RICTOR: variants seen among roughly 807,000 people sequenced by gnomAD.
RICTOR encodes the protein rapamycin-insensitive companion of mTOR.
Under a neutral mutation model 214.9 loss-of-function variants are expected in RICTOR, and 49 were observed. The observed-to-expected ratio is 0.23, with a 90% confidence interval of 0.18 to 0.29. The LOEUF (loss-of-function observed/expected upper bound fraction) is 0.29, where lower values mean the gene tolerates loss of function less well. Among genes scored for constraint, RICTOR ranks in the 10% least tolerant of loss-of-function variants. RICTOR has a pLI of 1.00. For synonymous variants in RICTOR, 717 were observed against 711.3 expected, an observed-to-expected ratio of 1.01 and a Z score of -0.13; for missense variants, 1,625 against 2,047.0, an observed-to-expected ratio of 0.79 and a Z score of 3.98.
chr5:39,029,376 C>A (rs1337296502), intron 2 of RICTOR, among the ~76,000 whole-genome samples: 3 of 151,762 alleles, frequency 2.0e-5, no homozygotes, highest in Non-Finnish European at 4.4e-5. Flanking sequence ...TTATTTATTT[C>A]TTGGCTCAAT....
At position 39,028,491 on chromosome 5, in the gene RICTOR, TAC is replaced by T. The variant is rs1360577252; in HGVS notation, c.98-7357_98-7356del. Among the ~76,000 whole-genome samples, 78 of 152,282 alleles carry T rather than the reference TAC, an allele frequency of 5.1e-4. No individual in the cohort carries two copies. The Middle Eastern group carries it at 0.01, about 20-fold the overall frequency. ...GCCACCGCGCCCGGCCTGGAATTCT[TAC>T]ACACTGTTGGAGGAGCATGAAATAT... On this transcript the variant is annotated intron_variant, in intron 2 of 37. Transcript: ENST00000357387.
chr5:38,962,138 T>C (rs1204449467), intron 19 of RICTOR, among the ~76,000 whole-genome samples, 177 bp downstream of exon 19: 1 of 138,934 alleles, frequency 7.2e-6, no homozygotes, highest in Admixed American at 7.6e-5. Flanking sequence ...AAGAATTTGC[T>C]AATATGTTTT....
intron 2 of RICTOR, among the ~76,000 whole-genome samples, chr5:39,065,760 A>C (rs918269264): frequency 6.6e-6 from 1 of 152,260 alleles, no homozygotes; most frequent in Non-Finnish European, 1.5e-5. Flanking sequence ...ATTAAATCTT[A>C]AAGCTCCAAA....
chr5:38,982,541 A>G (rs1751803536), intron 7 of RICTOR, among the ~76,000 whole-genome samples: 1 of 152,180 alleles, frequency 6.6e-6, no homozygotes, highest in South Asian at 2.1e-4. Flanking sequence ...TTCATGAATT[A>G]GTTACACTTC....
chr5:38,962,600 AAAGT>A lies in RICTOR; in HGVS notation c.1567-18_1567-15del, dbSNP rs748400698. On this transcript the variant is annotated splice_polypyrimidine_tract_variant and intron_variant, in intron 17 of 37. Transcript: ENST00000357387. ...TTCCTCTGTATCCTAAAATCATCAG[AAAGT>A]AATAAGAAAAATTAAGGCAAACTGT... 3.6e-6 allele frequency: 5 copies of A among 1,392,984 alleles called. No individual in the cohort carries two copies. Among genetic ancestry groups the A allele is most frequent in the Non-Finnish European group, 4.0e-6 (4 of 1,008,758 alleles). 86.3% of individuals were successfully genotyped at this position (1,392,984 alleles called of 1,614,324 possible).
chr5:38,985,014 G>A (rs1011401446), intron 7 of RICTOR, among the ~76,000 whole-genome samples: 13 of 152,128 alleles, frequency 8.5e-5, no homozygotes, highest in African/African-American at 2.7e-4. Flanking sequence ...TCTCCATGTT[G>A]GTTGGCCAGG....
In RICTOR at chr5:38,947,403, T is replaced by C; in HGVS notation, c.4175A>G (p.Glu1392Gly). ...TTGATTAATAGGACTCAATAAATCTTCTTTATCTAATGATGCATAACTTAA... is the reference window on the plus strand; with the variant it reads ...TTGATTAATAGGACTCAATAAATCTCCTTTATCTAATGATGCATAACTTAA... ...KALSYASLDK[E>G]DLLSPINQNT... The change falls in exon 32 of 38, where the codon GAA becomes GGA. Residue 1392 changes from glutamate to glycine, a missense_variant. By Grantham distance (98) the Glu-to-Gly change is moderately conservative. Around this residue, in one of 5 missense-constraint regions of RICTOR, gnomAD observed 1,214 missense variants for 1,470.5 expected, o/e 0.83. Transcript: ENST00000357387. 6.2e-7 allele frequency: 1 copy of C among 1,611,878 alleles called. No homozygotes were observed. Among genetic ancestry groups the C allele is most frequent in the Non-Finnish European group, 8.5e-7 (1 of 1,178,160 alleles).
chr5:38,978,236 C>T (rs1751402453), intron 9 of RICTOR, among the ~76,000 whole-genome samples: 1 of 152,128 alleles, frequency 6.6e-6, no homozygotes. Context: ...ATTCTGCTGA[C>T]TCAGTAAGTT....
At chr5:39,008,066 A>AG (rs1754211643) in intron 3 of RICTOR, among the ~76,000 whole-genome samples, 1 of 151,848 alleles carries the variant, frequency 6.6e-6, no homozygotes, top group South Asian at 2.1e-4. Flanking sequence ...ATGTTTATAA[A>AG]GGAGGAACTT....
intron 8 of RICTOR, among the ~76,000 whole-genome samples, chr5:38,980,134 C>T (rs994642132): frequency 6.6e-6 from 1 of 151,936 alleles, no homozygotes; most frequent in Admixed American, 6.6e-5. Flanking sequence ...TAAAATTCTC[C>T]ATTATTTCAT....
chr5:38,963,152 G>A, intron 16 of RICTOR, 111 bp from the exon 17 acceptor site: 1 of 666,314 alleles, frequency 1.5e-6, no homozygotes, highest in South Asian at 3.3e-5. Flanking sequence ...AATTATTATT[G>A]ATAAAGTAAA....
intron 5 of RICTOR, among the ~76,000 whole-genome samples, chr5:38,999,282 T>C (rs891040435): frequency 2.7e-5 from 4 of 149,012 alleles, no homozygotes; most frequent in Non-Finnish European, 4.5e-5. Context: ...GGACAGAATA[T>C]ACAACAGAGA....
chr5:39,005,925 T>C (rs1754017994), intron 3 of RICTOR, among the ~76,000 whole-genome samples: 1 of 152,206 alleles, frequency 6.6e-6, no homozygotes, highest in Non-Finnish European at 1.5e-5. Flanking sequence ...ATTTTTGTCC[T>C]GCAAACTCCA....
intron 2 of RICTOR, among the ~76,000 whole-genome samples, chr5:39,040,808 T>C (rs1014585577): frequency 3.9e-5 from 6 of 152,182 alleles, no homozygotes; most frequent in Non-Finnish European, 5.9e-5. Context: ...GTTATAAATT[T>C]CAATGCTCCT....
chr5:38,945,294 G>A, intron 34 of RICTOR, 197 bp downstream of exon 34: 1 of 610,178 alleles, frequency 1.6e-6, no homozygotes, highest in Non-Finnish European at 2.9e-6. Flanking sequence ...CCAGGGATCT[G>A]TCAGACTCAG....
chr5:39,071,085 C>T lies in RICTOR; in HGVS notation c.97+3026G>A, dbSNP rs77517534. 2.0e-3 allele frequency among the ~76,000 whole-genome samples: 299 copies of T among 152,226 alleles called. 1 individual carries two copies. Among genetic ancestry groups the T allele is most frequent in the Middle Eastern group, 0.01 (3 of 294 alleles). On this transcript the variant is annotated intron_variant, in intron 2 of 37. Coordinates refer to ENST00000357387, the MANE Select transcript of RICTOR (RefSeq NM_152756.5). ...GCACTAACACAAGTACCAAAACCAACGAAACTTAGAATTCTTCTGAGCCTC... is the reference window on the plus strand; with the variant it reads ...GCACTAACACAAGTACCAAAACCAATGAAACTTAGAATTCTTCTGAGCCTC...
chr5:39,042,838 C>G (rs1442462883), intron 2 of RICTOR, among the ~76,000 whole-genome samples: 1 of 152,104 alleles, frequency 6.6e-6, no homozygotes, highest in African/African-American at 2.4e-5. Flanking sequence ...GTTTCTTGAT[C>G]TGGGTTCTGG....
intron 26 of RICTOR, 180 bp from the exon 27 acceptor site, chr5:38,955,041 A>C: frequency 2.3e-6 from 1 of 436,878 alleles, no homozygotes. Flanking sequence ...GGCTTCCCTA[A>C]TCCAAAATGA....
intron 27 of RICTOR, 71 bp from the exon 28 acceptor site, chr5:38,953,624 A>G: frequency 4.1e-6 from 2 of 482,420 alleles, no homozygotes; most frequent in Non-Finnish European, 7.0e-6. Flanking sequence ...ATTGCATCAT[A>G]AAACCAGTAT....
Sources: gnomAD v4.1 joint callset for allele counts (sites outside exome capture counted in the v4.1 genomes callset) on GRCh38, gnomAD v4.1.1 for gene constraint, gnomAD v4.1.1 regional missense constraint, MANE v1.5 for transcripts, NCBI Gene and HGNC (gene_info 2026-07-23, HGNC 2026-07-21) for gene names.